The following ARID1A variants were observed in gnomAD, a reference collection of about 807,000 sequenced individuals.
ARID1A encodes AT-rich interaction domain 1A.
ARID1A carries 20 observed loss-of-function variants against 212.6 expected under a neutral mutation model. The ratio of observed to expected loss-of-function variants is 0.09; its 90% CI spans 0.07 to 0.14. ARID1A has a LOEUF of 0.14. ARID1A is among the 10% of genes least tolerant of loss of function. The pLI is 1.00. For synonymous variants in ARID1A, 1,376 were observed against 1,222.1 expected (o/e 1.13, Z -2.63); for missense variants, 2,587 against 3,059.0 (o/e 0.85, Z 3.64).
Position 26,781,053 on chromosome 1 carries a change from A to C in ARID1A, c.*297A>C. ...TAGAAGACTTTTTTTATTTTAACCA[A>C]AGTTACTGTTGTTTACAGTGAGTTT... On this transcript the variant is annotated 3_prime_UTR_variant, in exon 20 of 20. Coordinates refer to ENST00000324856, the MANE Select transcript of ARID1A (RefSeq NM_006015.6). 2 of 327,026 alleles carry C rather than the reference A, an allele frequency of 6.1e-6. No individual in the cohort carries two copies. The highest frequency in any genetic ancestry group is 5.6e-6 in the Non-Finnish European group (1 of 179,468). 20.3% of individuals were successfully genotyped at this position (327,026 alleles called of 1,614,324 possible).
At chr1:26,699,210 T>G (rs763387464) in intron 1 of ARID1A, among the ~76,000 whole-genome samples, 8 of 152,250 alleles carry the variant, frequency 5.3e-5, no homozygotes, top group Non-Finnish European at 8.8e-5. Context: ...AGATACGACC[T>G]AGAATGACAC....
intron 9 of ARID1A, 23 bp from the exon 10 acceptor site, chr1:26,766,434 G>C (rs2124081089): frequency 6.2e-7 from 1 of 1,613,894 alleles, no homozygotes; most frequent in Non-Finnish European, 8.5e-7. Context: ...TACTGGACTT[G>C]AGAATTTTTT....
rs1339028592 is a variant in ARID1A, at chr1:26,726,197, G to A, written c.1138-3454G>A. Among the ~76,000 whole-genome samples, 10 of 127,972 alleles carry A rather than the reference G, an allele frequency of 7.8e-5. No individual in the cohort carries two copies. The Admixed American group carries it at 8.7e-4, about 11-fold the overall frequency. The allele number at this position is 127,972 out of a possible 152,430, so 84.0% of individuals were successfully genotyped here. A position where few individuals can be genotyped will look rare whatever the true frequency, so the allele number is the denominator to read the frequency against. On this transcript the variant is annotated intron_variant, in intron 1 of 19. Coordinates refer to ENST00000324856, the MANE Select transcript of ARID1A (RefSeq NM_006015.6). The stretch of plus-strand genomic sequence containing the variant: ...TTGTTTTTTTTTTTTTTTTGAGACA[G>A]ACTCTTGCTCTGCTGCCCAGGATGG...
Position 26,774,039 on chromosome 1 carries a change from C to G in ARID1A, c.4101+141C>G, listed in dbSNP as rs948435054. The G allele has an allele frequency of 2.5e-5, 29 of 1,171,454 alleles. No homozygotes were observed. Among genetic ancestry groups the G allele is most frequent in the Non-Finnish European group, 3.1e-5 (26 of 829,146 alleles). 72.6% of individuals were successfully genotyped at this position (1,171,454 alleles called of 1,614,324 possible). A position where few individuals can be genotyped will look rare whatever the true frequency, so the allele number is the denominator to read the frequency against. On this transcript the variant is annotated intron_variant, in intron 17 of 19. Coordinates refer to ENST00000324856, the MANE Select transcript of ARID1A (RefSeq NM_006015.6). The surrounding 1 kb of genome is among the most constrained non-coding windows in gnomAD (Gnocchi z 5.6). ...CTCTCACCTGACTGGCCAGTCCTGC[C>G]TGAAGAGCCACGTCCTCAATCTCTT...
chr1:26,745,040 T>C (rs2080824100), intron 4 of ARID1A, among the ~76,000 whole-genome samples: 1 of 152,232 alleles, frequency 6.6e-6, no homozygotes, highest in South Asian at 2.1e-4. Context: ...TTGATAATAC[T>C]GAGTCAGAGG....
intron 7 of ARID1A, 142 bp from the exon 8 acceptor site, chr1:26,762,831 C>A: frequency 1.1e-6 from 1 of 881,718 alleles, no homozygotes; most frequent in Non-Finnish European, 1.7e-6. Flanking sequence ...CCCCCTTTTT[C>A]TCATGGCGAT....
chr1:26,768,187 C>G (rs879029673), intron 11 of ARID1A, among the ~76,000 whole-genome samples, 188 bp downstream of exon 11: 6 of 152,126 alleles, frequency 3.9e-5, no homozygotes, highest in Non-Finnish European at 8.8e-5. Context: ...AGAGACCTCC[C>G]TGGTAGTATG....
chr1:26,707,503 G>A (rs570507043), intron 1 of ARID1A, among the ~76,000 whole-genome samples: 56 of 151,896 alleles, frequency 3.7e-4, no homozygotes, highest in Middle Eastern at 3.4e-3. Context: ...CACCACGCCC[G>A]GCCTAATGTT....
Position 26,781,672 on chromosome 1 carries a change from C to T in ARID1A, c.*916C>T, listed in dbSNP as rs1158452685. ...GATCCCCACAGTTTGGTCCTCCTCCCAGCTACCCCTTTATAGTATGACGAG... is the reference window on the plus strand; with the variant it reads ...GATCCCCACAGTTTGGTCCTCCTCCTAGCTACCCCTTTATAGTATGACGAG... On this transcript the variant is annotated 3_prime_UTR_variant, in exon 20 of 20. Coordinates refer to ENST00000324856, the MANE Select transcript of ARID1A (RefSeq NM_006015.6). 5 of 233,598 alleles carry T rather than the reference C, an allele frequency of 2.1e-5. No homozygotes were observed. Among genetic ancestry groups the T allele is most frequent in the Non-Finnish European group, 4.2e-5 (5 of 118,066 alleles). 14.5% of individuals were successfully genotyped at this position (233,598 alleles called of 1,614,324 possible). A position where few individuals can be genotyped will look rare whatever the true frequency, so the allele number is the denominator to read the frequency against.
rs139540163 is a variant in ARID1A, at chr1:26,729,737, G to C, written c.1224G>C (p.Pro408=). 1.2e-6 allele frequency: 2 copies of C among 1,614,090 alleles called. No individual in the cohort carries two copies. Among genetic ancestry groups the C allele is most frequent in the African/African-American group, 1.3e-5 (1 of 74,924 alleles). The change falls in exon 2 of 20, where the codon CCG becomes CCC. Residue 408 remains proline, a synonymous_variant. Coordinates refer to ENST00000324856, the MANE Select transcript of ARID1A (RefSeq NM_006015.6). ...TNPYSQQQGP[P]SGPQQGHGYP... ...CATACTCGCAGCAACAGGGACCTCCGTCAGGACCGCAGCAAGGACATGGGT... is the reference window on the plus strand; with the variant it reads ...CATACTCGCAGCAACAGGGACCTCCCTCAGGACCGCAGCAAGGACATGGGT...
intron 4 of ARID1A, among the ~76,000 whole-genome samples, chr1:26,748,756 G>GTA (rs1459317977): frequency 1.3e-5 from 2 of 151,988 alleles, no homozygotes; most frequent in African/African-American, 4.8e-5. Flanking sequence ...AGGTAACATG[G>GTA]TATTATACAG....
chr1:26,721,012 T>C (rs1049487841), intron 1 of ARID1A, among the ~76,000 whole-genome samples: 11 of 152,190 alleles, frequency 7.2e-5, no homozygotes, highest in African/African-American at 2.4e-4. Flanking sequence ...CCTCAGGAAG[T>C]TGGTCTGAGA....
intron 4 of ARID1A, among the ~76,000 whole-genome samples, chr1:26,758,004 C>G (rs2080957873): frequency 6.6e-6 from 1 of 152,166 alleles, no homozygotes; most frequent in Non-Finnish European, 1.5e-5. Flanking sequence ...ATCCCTGATT[C>G]CTATTCTGTT....
At chr1:26,760,612 C>A (rs973358254) in intron 4 of ARID1A, among the ~76,000 whole-genome samples, 3 of 152,040 alleles carry the variant, frequency 2.0e-5, no homozygotes, top group African/African-American at 7.2e-5. Flanking sequence ...TTGCTTGAAC[C>A]CAGGAGTCAG....
chr1:26,726,924 G>GA (rs1439527525), intron 1 of ARID1A, among the ~76,000 whole-genome samples: 4 of 152,232 alleles, frequency 2.6e-5, no homozygotes, highest in Admixed American at 2.6e-4. Flanking sequence ...GCTTCATTTT[G>GA]AAAGGTCAAG....
At chr1:26,729,276 T>C (rs2080649216) in intron 1 of ARID1A, 2 of 224,208 alleles carry the variant, frequency 8.9e-6, no homozygotes, top group African/African-American at 2.3e-5. Context: ...TTCCCCGTCA[T>C]GGTATTGAAG....
At chr1:26,758,968 C>T (rs1025034059) in intron 4 of ARID1A, among the ~76,000 whole-genome samples, 1 of 152,182 alleles carries the variant, frequency 6.6e-6, no homozygotes, top group Non-Finnish European at 1.5e-5. Context: ...TGCTCCCAGC[C>T]TAATGAGGTA....
rs148221013 is a variant in ARID1A at position 26,718,407 on chromosome 1, C to T, written c.1138-11244C>T. On this transcript the variant is annotated intron_variant, in intron 1 of 19. Coordinates refer to ENST00000324856, the MANE Select transcript of ARID1A (RefSeq NM_006015.6). ...CTCTTAAGCCACTGCCTAGAACTGG[C>T]CATGTACAATAGTCCTCCCTTATCT... Among the ~76,000 whole-genome samples, 147 of 152,336 alleles carry T rather than the reference C, an allele frequency of 9.6e-4. 1 individual carries two copies. The highest frequency in any genetic ancestry group is 3.2e-3 in the African/African-American group (134 of 41,572).
chr1:26,721,593 G>GA (rs2080565433), intron 1 of ARID1A, among the ~76,000 whole-genome samples: 1 of 152,206 alleles, frequency 6.6e-6, no homozygotes, highest in African/African-American at 2.4e-5. Flanking sequence ...GAAATAGGGA[G>GA]AAATTGGTTA....
Sources: allele counts gnomAD v4.1 joint callset (sites outside exome capture counted in the v4.1 genomes callset), GRCh38; gene constraint gnomAD v4.1.1; non-coding constraint Gnocchi (gnomAD v3.1); transcripts MANE v1.5; gene names NCBI Gene and HGNC (gene_info 2026-07-23, HGNC 2026-07-21).